HS6ST3: variants seen among roughly 807,000 people sequenced by gnomAD.
HS6ST3 encodes the protein heparan sulfate 6-O-sulfotransferase 3, also known as heparan-sulfate 6-O-sulfotransferase 3.
A neutral mutation model predicts 36.7 loss-of-function variants in HS6ST3; 12 were observed. The ratio of observed to expected loss-of-function variants is 0.33; its 90% CI spans 0.21 to 0.53. HS6ST3 has a LOEUF of 0.53. Among genes scored for constraint, HS6ST3 ranks in the 20% least tolerant of loss-of-function variants. The pLI, the probability that HS6ST3 is intolerant of heterozygous loss-of-function variation, is 0.95. For missense variants in HS6ST3, 584 were observed against 640.9 expected, an observed-to-expected ratio of 0.91 and a Z score of 0.96; for synonymous variants, 240 against 257.5, an observed-to-expected ratio of 0.93 and a Z score of 0.65.
At chr13:96,684,345 T>C (rs541628284) in intron 1 of HS6ST3, among the ~76,000 whole-genome samples, 2 of 152,194 alleles carry the variant, frequency 1.3e-5, no homozygotes, top group East Asian at 3.9e-4. Flanking sequence ...AAATGGGAGA[T>C]GTCTAATTTT....
intron 1 of HS6ST3, among the ~76,000 whole-genome samples, chr13:96,526,006 G>A (rs1165687913): frequency 6.6e-6 from 1 of 152,210 alleles, no homozygotes; most frequent in East Asian, 1.9e-4. Context: ...CAAACTGAGT[G>A]AAGAGGAAGG....
intron 1 of HS6ST3, among the ~76,000 whole-genome samples, chr13:96,203,153 C>A (rs2054351610): frequency 6.6e-6 from 1 of 152,178 alleles, no homozygotes; most frequent in Non-Finnish European, 1.5e-5. Context: ...CACGGCCCTA[C>A]TCCGTTTGCG....
At chr13:96,125,174 G>A (rs2768777) in intron 1 of HS6ST3, among the ~76,000 whole-genome samples, 128,232 of 152,112 alleles carry the variant, frequency 0.84, 54,259 homozygotes, top group East Asian at 0.91. Flanking sequence ...CCAAATTGCC[G>A]TTAAATCAAA....
In HS6ST3 at chr13:96,695,800, A is replaced by G. The variant is rs531346493; in HGVS notation, c.708-136690A>G. On this transcript the variant is annotated intron_variant, in intron 1 of 1. Transcript: ENST00000376705. ...ATTTAGTATAAAAATGTTGAGAAGTATAAGGTTCATGATGTTCAACCCAAC... is the reference window on the plus strand; with the variant it reads ...ATTTAGTATAAAAATGTTGAGAAGTGTAAGGTTCATGATGTTCAACCCAAC... 8.5e-5 allele frequency among the ~76,000 whole-genome samples: 13 copies of G among 152,270 alleles called. No homozygotes were observed. In the East Asian group the frequency reaches 2.1e-3, roughly 25 times the overall value.
intron 1 of HS6ST3, among the ~76,000 whole-genome samples, chr13:96,767,092 A>C (rs149805898): frequency 2.6e-5 from 4 of 152,356 alleles, no homozygotes; most frequent in Middle Eastern, 6.8e-3. Flanking sequence ...GTCAGACTAC[A>C]GTGACTACAT....
chr13:96,137,679 C>T (rs556211746), intron 1 of HS6ST3, among the ~76,000 whole-genome samples: 15 of 152,258 alleles, frequency 9.9e-5, no homozygotes, highest in Admixed American at 9.2e-4. Flanking sequence ...GATCCACCCA[C>T]GTTGGCCTCC....
chr13:96,281,337 T>G (rs553481964), intron 1 of HS6ST3, among the ~76,000 whole-genome samples: 1 of 152,308 alleles, frequency 6.6e-6, no homozygotes, highest in African/African-American at 2.4e-5. Flanking sequence ...AGTTGATTGC[T>G]TTGAGCTCTG....
Position 96,470,834 on chromosome 13 carries a change from A to G in HS6ST3, c.708-361656A>G, listed in dbSNP as rs545366278. 2.0e-5 allele frequency among the ~76,000 whole-genome samples: 3 copies of G among 152,224 alleles called. No individual in the cohort carries two copies. The South Asian group carries it at 6.2e-4, about 32-fold the overall frequency. Reference sequence around the variant, plus strand: ...CCCTGTTCCTTACATCCTTTTTGGTAAAGTGTTTATCTGGCCACCTCCAAT... The same window carrying G: ...CCCTGTTCCTTACATCCTTTTTGGTGAAGTGTTTATCTGGCCACCTCCAAT... On this transcript the variant is annotated intron_variant, in intron 1 of 1. Coordinates refer to ENST00000376705, the MANE Select transcript of HS6ST3 (RefSeq NM_153456.4).
intron 1 of HS6ST3, among the ~76,000 whole-genome samples, chr13:96,523,221 C>T (rs1053227561): frequency 1.3e-5 from 2 of 152,118 alleles, no homozygotes; most frequent in African/African-American, 2.4e-5. Flanking sequence ...GGGTTTCTGC[C>T]GAGAGGGATC....
chr13:96,146,013 ATC>A (rs1378362624), intron 1 of HS6ST3, among the ~76,000 whole-genome samples: 5 of 152,062 alleles, frequency 3.3e-5, no homozygotes, highest in African/African-American at 1.2e-4. Context: ...ATTGGTCTAT[ATC>A]TCTGTTTTGG....
intron 1 of HS6ST3, among the ~76,000 whole-genome samples, chr13:96,709,098 G>A (rs966942763): frequency 2.6e-5 from 4 of 152,088 alleles, no homozygotes; most frequent in African/African-American, 7.2e-5. Context: ...CTCCCACGCT[G>A]TCTTGTGATA....
intron 1 of HS6ST3, among the ~76,000 whole-genome samples, chr13:96,150,007 T>C (rs2054077378): frequency 6.6e-6 from 1 of 152,164 alleles, no homozygotes; most frequent in Non-Finnish European, 1.5e-5. Context: ...AGCTCTTTTG[T>C]TTCTGCCACC....
chr13:96,507,983 C>T (rs759007065), intron 1 of HS6ST3, among the ~76,000 whole-genome samples: 21 of 151,904 alleles, frequency 1.4e-4, no homozygotes, highest in Non-Finnish European at 2.6e-4. Context: ...ATAAGAGTGA[C>T]GAAGAACTTT....
intron 1 of HS6ST3, among the ~76,000 whole-genome samples, chr13:96,738,597 T>C: frequency 6.6e-6 from 1 of 152,006 alleles, no homozygotes; most frequent in East Asian, 1.9e-4. Context: ...CATTTTTTCC[T>C]TTTGTAGTGG....
At chr13:96,598,281 A>G (rs188672436) in intron 1 of HS6ST3, among the ~76,000 whole-genome samples, 32 of 152,266 alleles carry the variant, frequency 2.1e-4, no homozygotes, top group Non-Finnish European at 1.5e-5. Context: ...GGTCATTTTG[A>G]TAACATTGAT....
chr13:96,810,819 A>C (rs914699120), intron 1 of HS6ST3, among the ~76,000 whole-genome samples: 6 of 152,238 alleles, frequency 3.9e-5, no homozygotes, highest in African/African-American at 1.2e-4. Flanking sequence ...GGCTATCCAC[A>C]AAACACAAGA....
At chr13:96,548,637 G>C (rs1339267118) in intron 1 of HS6ST3, among the ~76,000 whole-genome samples, 1 of 152,128 alleles carries the variant, frequency 6.6e-6, no homozygotes, top group Non-Finnish European at 1.5e-5. Flanking sequence ...TCTATCATCT[G>C]TCATCAAATA....
intron 1 of HS6ST3, among the ~76,000 whole-genome samples, chr13:96,240,965 C>T (rs995669536): frequency 2.0e-5 from 3 of 152,134 alleles, no homozygotes; most frequent in Non-Finnish European, 4.4e-5. Context: ...TTCTGAATCT[C>T]GGGAGACTCA....
intron 1 of HS6ST3, among the ~76,000 whole-genome samples, chr13:96,205,398 A>G (rs563773145): frequency 6.6e-6 from 1 of 152,316 alleles, no homozygotes; most frequent in East Asian, 1.9e-4. Flanking sequence ...TACCAGACGT[A>G]CACTGAAGAC....
Sources: allele counts gnomAD v4.1 joint callset (sites outside exome capture counted in the v4.1 genomes callset), GRCh38; gene constraint gnomAD v4.1.1; transcripts MANE v1.5; gene names NCBI Gene and HGNC (gene_info 2026-07-23, HGNC 2026-07-21).